ZBTB49: variants seen among roughly 807,000 people sequenced by gnomAD.
ZBTB49 encodes zinc finger and BTB domain containing 49, also known as zinc finger and BTB domain-containing protein 49.
Under a neutral mutation model 57.5 loss-of-function variants are expected in ZBTB49, and 43 were observed. The observed-to-expected ratio is 0.75, with a 90% CI of 0.59 to 0.97. The LOEUF is 0.97. Ranked by LOEUF, ZBTB49 falls within the 50% of genes least tolerant of loss-of-function variation. The pLI, the probability that ZBTB49 is intolerant of heterozygous loss-of-function variation, is 0.00. For missense variants in ZBTB49, 938 were observed against 947.7 expected, an observed-to-expected ratio of 0.99 and a Z score of 0.13; for synonymous variants, 369 against 362.1, an observed-to-expected ratio of 1.02 and a Z score of -0.22.
Position 4,302,868 on chromosome 4 carries a change from C to G in ZBTB49, c.1032C>G (p.Thr344=), listed in dbSNP as rs777885066. 1 of 1,613,646 alleles carries G rather than the reference C, an allele frequency of 6.2e-7. No homozygotes were observed. The highest frequency in any genetic ancestry group is 1.1e-5 in the South Asian group (1 of 91,068). Residue 344 remains threonine, a synonymous_variant, in exon 3 of 8, where the codon ACC becomes ACG. Transcript: ENST00000337872. ...TKRLESASKN[T]LEKASSQSAE... ...GGTTGGAATCTGCTAGTAAAAATAC[C>G]CTAGAGAAAGCTAGCAGCCAAAGTG...
chr4:4,320,974 T>C lies in ZBTB49; in HGVS notation c.1956T>C (p.Tyr652=), dbSNP rs773358252. The C allele has an allele frequency of 1.2e-6, 2 of 1,614,214 alleles. No individual in the cohort carries two copies. The highest frequency in any genetic ancestry group is 1.6e-4 in the Middle Eastern group (1 of 6,062). Residue 652 remains tyrosine (Y), a synonymous_variant, in exon 8 of 8, where the codon TAT becomes TAC. Transcript: ENST00000337872. ...TTGATAGCCACTCTGGCGGCTCCTA[T>C]TGTAAGTTACGGTCCATGATCCAAC... The part of the protein sequence containing the change: ...AEFDSHSGGS[Y]CKLRSMIQPH...
rs546719036 is a variant in ZBTB49, at chr4:4,306,124, T to G, written c.1256-14T>G. The G allele has an allele frequency of 9.9e-6, 16 of 1,610,248 alleles. No individual in the cohort carries two copies. The highest frequency in any genetic ancestry group is 1.4e-5 in the Non-Finnish European group (16 of 1,178,652). ...AGTAATGATTTTACAAGTTGTTGTT[T>G]TGTTTTGTTTTAGGTGAGAAACCTT... On this transcript the variant is annotated splice_polypyrimidine_tract_variant and intron_variant, in intron 3 of 7. Transcript: ENST00000337872.
At chr4:4,315,748 G>A in intron 6 of ZBTB49, 30 bp downstream of exon 6, 1 of 1,613,878 alleles carries the variant, frequency 6.2e-7, no homozygotes, top group African/African-American at 1.3e-5. Context: ...TATTCTTCTT[G>A]AAGATTTCTG....
chr4:4,304,310 C>G (rs372250217), intron 3 of ZBTB49, among the ~76,000 whole-genome samples: 84 of 151,348 alleles, frequency 5.6e-4, no homozygotes, highest in African/African-American at 2.0e-3. Context: ...ACTGCAACCT[C>G]TGCCTCCTGG....
chr4:4,320,201 G>A (rs965261210), intron 7 of ZBTB49, among the ~76,000 whole-genome samples: 27 of 152,230 alleles, frequency 1.8e-4, no homozygotes, highest in Non-Finnish European at 3.2e-4. Context: ...GGTGCCTACG[G>A]CACCCATGTG....
intron 4 of ZBTB49, among the ~76,000 whole-genome samples, chr4:4,306,423 G>T (rs939381059): frequency 6.6e-6 from 1 of 152,182 alleles, no homozygotes; most frequent in African/African-American, 2.4e-5. Flanking sequence ...TGCTAAGGAT[G>T]AGTCCAAACT....
At chr4:4,319,530 T>A (rs1009148772) in intron 7 of ZBTB49, among the ~76,000 whole-genome samples, 1 of 152,160 alleles carries the variant, frequency 6.6e-6, no homozygotes, top group African/African-American at 2.4e-5. Flanking sequence ...TGTTAAAAGC[T>A]GAATACAGGG....
At position 4,318,841 on chromosome 4, in the gene ZBTB49, C is replaced by T. The variant is rs374253746; in HGVS notation, c.1622-1799C>T. Among the ~76,000 whole-genome samples the T allele has an allele frequency of 2.4e-3, 357 of 151,060 alleles. 3 individuals carry two copies. The highest frequency in any genetic ancestry group is 7.8e-3 in the African/African-American group (321 of 41,158). On this transcript the variant is annotated intron_variant, in intron 7 of 7. Coordinates refer to ENST00000337872, the MANE Select transcript of ZBTB49 (RefSeq NM_145291.4). ...AAACACAGACATGAAAGCACAAAGG[C>T]AAAGGTCACTGTGATGTGTTGTTGC... is the stretch of plus-strand genomic sequence containing the variant.
intron 4 of ZBTB49, among the ~76,000 whole-genome samples, chr4:4,312,492 G>C (rs763456226): frequency 6.6e-6 from 1 of 152,194 alleles, no homozygotes; most frequent in Non-Finnish European, 1.5e-5. Flanking sequence ...TGATTCTCCT[G>C]ATTTGCCCTT....
At chr4:4,307,930 C>G (rs1171020010) in intron 4 of ZBTB49, among the ~76,000 whole-genome samples, 2 of 152,176 alleles carry the variant, frequency 1.3e-5, no homozygotes, top group African/African-American at 2.4e-5. Context: ...TTCTCTGACT[C>G]TCCATAGCTG....
intron 7 of ZBTB49, among the ~76,000 whole-genome samples, chr4:4,318,480 G>A (rs935665430): frequency 3.9e-5 from 6 of 152,240 alleles, no homozygotes; most frequent in South Asian, 2.1e-4. Context: ...GCTGGGCATG[G>A]TGGTGTGTTC....
rs142279573 is a variant in ZBTB49 at position 4,309,702 on chromosome 4, G to A, written c.1303-3339G>A. ...TTACCCTATAGGAGGCATTTCCAGG[G>A]TGCTGATGTGGACTCATGCCAGAGG... On this transcript the variant is annotated intron_variant, in intron 4 of 7. Coordinates refer to ENST00000337872, the MANE Select transcript of ZBTB49 (RefSeq NM_145291.4). Among the ~76,000 whole-genome samples the A allele has an allele frequency of 1.3e-3, 198 of 152,304 alleles. 1 individual carries two copies. The highest frequency in any genetic ancestry group is 4.6e-3 in the African/African-American group (190 of 41,560).
At chr4:4,310,264 A>G (rs1254262255) in intron 4 of ZBTB49, among the ~76,000 whole-genome samples, 1 of 152,232 alleles carries the variant, frequency 6.6e-6, no homozygotes, top group African/African-American at 2.4e-5. Context: ...TCGTTAACAT[A>G]GGTTTAACAG....
Position 4,302,271 on chromosome 4 carries a change from T to G in ZBTB49, c.435T>G (p.Thr145=). The G allele has an allele frequency of 6.2e-7, 1 of 1,614,194 alleles. No homozygotes were observed. Among genetic ancestry groups the G allele is most frequent in the African/African-American group, 1.3e-5 (1 of 75,062 alleles). ...SLQSTLTPDA[T]CVISENYPPH... ...AAAGCACCCTGACCCCAGATGCCAC[T>G]TGTGTTATCAGTGAAAACTACCCCC... Residue 145 remains threonine, a synonymous_variant, in exon 3 of 8, where the codon ACT becomes ACG. Transcript: ENST00000337872.
At position 4,321,609 on chromosome 4, in the gene ZBTB49, T is replaced by C. The variant is rs1303700796; in HGVS notation, c.*293T>C. ...GGGGGGGAAGCGCGTGTGCATCGTG[T>C]CAACTACTGTACATGTTGGTCATGT... On this transcript the variant is annotated 3_prime_UTR_variant, in exon 8 of 8. Transcript: ENST00000337872. 2.3e-5 allele frequency: 11 copies of C among 475,762 alleles called. No homozygotes were observed. The highest frequency in any genetic ancestry group is 1.8e-4 in the African/African-American group (9 of 51,190). The allele number at this position is 475,762 out of a possible 1,614,324, so 29.5% of individuals were successfully genotyped here. A position where few individuals can be genotyped will look rare whatever the true frequency, so the allele number is the denominator to read the frequency against.
chr4:4,306,328 A>G (rs1720734375), intron 4 of ZBTB49, 144 bp downstream of exon 4: 1 of 706,342 alleles, frequency 1.4e-6, no homozygotes, highest in Non-Finnish European at 2.4e-6. Flanking sequence ...ATTAGGATAA[A>G]TCGTTTTCAA....
chr4:4,298,902 G>A (rs1057152418), intron 1 of ZBTB49, among the ~76,000 whole-genome samples: 1 of 152,202 alleles, frequency 6.6e-6, no homozygotes, highest in Non-Finnish European at 1.5e-5. Flanking sequence ...CGTGCATCAG[G>A]CACTTTCGTG....
intron 7 of ZBTB49, among the ~76,000 whole-genome samples, chr4:4,318,420 A>C (rs534185927): frequency 2.6e-5 from 4 of 152,322 alleles, no homozygotes; most frequent in Admixed American, 6.5e-5. Context: ...GTTTGAGACC[A>C]GCCTGGCCGA....
chr4:4,306,338 A>G (rs1436785620), intron 4 of ZBTB49, among the ~76,000 whole-genome samples, 154 bp downstream of exon 4: 1 of 152,246 alleles, frequency 6.6e-6, no homozygotes, highest in Non-Finnish European at 1.5e-5. Flanking sequence ...ATCGTTTTCA[A>G]GAAAACAGAT....
Sources: allele counts gnomAD v4.1 joint callset (sites outside exome capture counted in the v4.1 genomes callset), GRCh38; gene constraint gnomAD v4.1.1; transcripts MANE v1.5; gene names NCBI Gene and HGNC (gene_info 2026-07-23, HGNC 2026-07-21).